The following NAV2 variants were observed in gnomAD, a reference collection of about 807,000 sequenced individuals.
NAV2 encodes neuron navigator 2, also known as helicase, APC down-regulated 1.
In NAV2, 54 loss-of-function variants were observed where a neutral mutation model predicts 223.2. That is an observed-to-expected ratio of 0.24 (90% CI 0.19 to 0.30). The LOEUF (loss-of-function observed/expected upper bound fraction) is 0.30. Among genes scored for constraint, NAV2 ranks in the 10% least tolerant of loss-of-function variants. NAV2 has a pLI of 1.00. For missense variants in NAV2, 2,806 were observed against 3,147.5 expected, an observed-to-expected ratio of 0.89 and a Z score of 2.60; for synonymous variants, 1,279 against 1,239.3, an observed-to-expected ratio of 1.03 and a Z score of -0.67.
At chr11:19,557,744 TC>T (rs1371211621) in intron 1 of NAV2, among the ~76,000 whole-genome samples, 1 of 152,196 alleles carries the variant, frequency 6.6e-6, no homozygotes, top group Non-Finnish European at 1.5e-5. Context: ...GGGCTGCACT[TC>T]CAGGTGAGAA....
intron 6 of NAV2, among the ~76,000 whole-genome samples, chr11:19,925,819 T>A (rs1221913004): frequency 6.6e-6 from 1 of 152,200 alleles, no homozygotes; most frequent in Non-Finnish European, 1.5e-5. Flanking sequence ...CCACCACCAT[T>A]TATTGAAAAG....
intron 1 of NAV2, among the ~76,000 whole-genome samples, chr11:19,802,023 T>C (rs2058298898): frequency 6.6e-6 from 1 of 152,196 alleles, no homozygotes. Flanking sequence ...CAAAGCTTTG[T>C]TCTATGAAGA....
intron 1 of NAV2, chr11:19,506,192 G>A (rs112352901): frequency 7.2e-5 from 11 of 152,294 alleles, no homozygotes; most frequent in African/African-American, 2.2e-4. Context: ...CAGCCTCTCA[G>A]GAGACCAGTT....
At chr11:19,935,097 G>A (rs1231314878) in intron 7 of NAV2, among the ~76,000 whole-genome samples, 1 of 152,184 alleles carries the variant, frequency 6.6e-6, no homozygotes, top group Non-Finnish European at 1.5e-5. Context: ...ACACATGGAT[G>A]AGTCCACTCC....
In NAV2 at chr11:19,610,700, A is replaced by AGATG. The variant is rs573163308; in HGVS notation, c.76-221764_76-221761dup. 2.9e-3 allele frequency among the ~76,000 whole-genome samples: 447 copies of AGATG among 152,114 alleles called. 4 individuals are homozygous for AGATG. Among genetic ancestry groups the AGATG allele is most frequent in the Non-Finnish European group, 3.5e-3 (236 of 67,972 alleles). On this transcript the variant is annotated intron_variant, in intron 1 of 37. Coordinates refer to the NAV2 transcript ENST00000360655. ...CCAGCAAATGGATGGATGGATAAGTAGATGGATGGATGGATGGATGGATAA... is the reference window on the plus strand; with the variant it reads ...CCAGCAAATGGATGGATGGATAAGTAGATGGATGGATGGATGGATGGATGGATAA...
At chr11:19,782,352 A>C (rs1179069277) in intron 1 of NAV2, among the ~76,000 whole-genome samples, 2 of 152,218 alleles carry the variant, frequency 1.3e-5, no homozygotes, top group East Asian at 3.8e-4. Flanking sequence ...GAAGGAGAGA[A>C]AGCCTCTGAA....
chr11:19,934,212 G>C lies in NAV2; in HGVS notation c.1968G>C (p.Gln656His), dbSNP rs929824733. ...QTTGSNTVSV[Q>H]LPQPQQQYNH... ...CAGGAAGCAATACCGTCAGTGTTCA[G>C]CTACCTCAGCCCCAGCAGCAATACA... Residue 656 changes from glutamine (Q) to histidine (H), a missense_variant, in exon 7 of 38, where the codon CAG (glutamine) becomes CAC (histidine). Gln to His is a conservative substitution (Grantham distance 24). Around this residue, in one of 4 missense-constraint regions of NAV2, gnomAD observed 1,167 missense variants for 1,180.5 expected, o/e 0.99. Coordinates refer to ENST00000349880, the MANE Select transcript of NAV2 (RefSeq NM_145117.5). 2.5e-6 allele frequency: 4 copies of C among 1,613,290 alleles called. No homozygotes were observed. The highest frequency in any genetic ancestry group is 3.3e-4 in the Middle Eastern group (2 of 6,050).
intron 1 of NAV2, among the ~76,000 whole-genome samples, chr11:19,808,762 A>G (rs1473171621): frequency 6.6e-6 from 1 of 152,074 alleles, no homozygotes; most frequent in African/African-American, 2.4e-5. Flanking sequence ...CATATGGGGG[A>G]TATTTTTTTC....
intron 1 of NAV2, among the ~76,000 whole-genome samples, chr11:19,363,029 T>C (rs1487688013): frequency 6.6e-6 from 1 of 152,192 alleles, no homozygotes; most frequent in Non-Finnish European, 1.5e-5. Flanking sequence ...ATGTGCAGAA[T>C]GTGCAGTTTT....
chr11:19,788,223 T>C (rs1187938993), intron 1 of NAV2, among the ~76,000 whole-genome samples: 1 of 152,198 alleles, frequency 6.6e-6, no homozygotes, highest in East Asian at 1.9e-4. Context: ...CCCTGGCTTC[T>C]ACCCATTGTA....
At chr11:19,814,809 A>C (rs558301757) in intron 1 of NAV2, among the ~76,000 whole-genome samples, 1 of 152,278 alleles carries the variant, frequency 6.6e-6, no homozygotes, top group South Asian at 2.1e-4. Flanking sequence ...GCTTTATGAC[A>C]GAGAGAGAAC....
chr11:19,541,958 A>C (rs1380260921), intron 1 of NAV2, among the ~76,000 whole-genome samples: 1 of 152,016 alleles, frequency 6.6e-6, no homozygotes, highest in Non-Finnish European at 1.5e-5. Context: ...CTAGAAAGTA[A>C]TTTTTCCACT....
intron 1 of NAV2, among the ~76,000 whole-genome samples, chr11:19,556,050 A>G (rs1221129292): frequency 1.3e-5 from 2 of 152,036 alleles, no homozygotes; most frequent in African/African-American, 2.4e-5. Flanking sequence ...CTCTTCTTCA[A>G]TCCTCCATGT....
intron 1 of NAV2, among the ~76,000 whole-genome samples, chr11:19,617,181 T>A (rs898126397): frequency 6.6e-6 from 1 of 152,210 alleles, no homozygotes; most frequent in Non-Finnish European, 1.5e-5. Flanking sequence ...TTATTTCTGA[T>A]GACCTAGTTG....
chr11:19,348,979 C>T (rs1487952325), upstream of NAV2, among the ~76,000 whole-genome samples: 3 of 152,220 alleles, frequency 2.0e-5, no homozygotes, highest in Non-Finnish European at 2.9e-5. Context: ...TGAGGTTTCA[C>T]CTTTGCAAAG....
chr11:19,900,314 G>A (rs1238211355), intron 6 of NAV2, among the ~76,000 whole-genome samples: 1 of 152,166 alleles, frequency 6.6e-6, no homozygotes, highest in African/African-American at 2.4e-5. Flanking sequence ...CCAGTGTTCA[G>A]TTATCTCAGG....
In NAV2 at chr11:19,939,674, A is replaced by G. The variant is rs1409796343; in HGVS notation, c.2047A>G (p.Thr683Ala). 6.2e-7 allele frequency: 1 copy of G among 1,614,140 alleles called. No individual in the cohort carries two copies. Reference sequence around the variant, plus strand: ...TTGTGTGTGAAGGTCTCAGACGGACACTGAAGGGAATGTTACTGCCGAGTC... The same window carrying G: ...TTGTGTGTGAAGGTCTCAGACGGACGCTGAAGGGAATGTTACTGCCGAGTC... ...APFLYRSQTDTEGNVTAESSS... is the reference protein window; with the variant it reads ...APFLYRSQTDAEGNVTAESSS... Residue 683 changes from threonine to alanine, a missense_variant, in exon 8 of 38, where the codon ACT becomes GCT. By Grantham distance (58) the Thr-to-Ala change is moderately conservative. Coordinates refer to ENST00000349880, the MANE Select transcript of NAV2 (RefSeq NM_145117.5).
chr11:19,527,291 A>G (rs2043870931), intron 1 of NAV2, among the ~76,000 whole-genome samples: 1 of 152,130 alleles, frequency 6.6e-6, no homozygotes, highest in African/African-American at 2.4e-5. Context: ...GCTGCCATGT[A>G]AGATGTACCT....
rs529669875 is a variant in NAV2 at position 19,642,195 on chromosome 11, C to T, written c.76-190289C>T. 1.2e-4 allele frequency among the ~76,000 whole-genome samples: 19 copies of T among 152,256 alleles called. No individual in the cohort carries two copies. In the South Asian group the frequency reaches 3.9e-3, roughly 32 times the overall value. On this transcript the variant is annotated intron_variant, in intron 1 of 37. Coordinates refer to the NAV2 transcript ENST00000360655. ...CACTGTACCCATAATGATGACTTCC[C>T]CATCTGCACATACTCTTCAAGTCCC...
Sources: allele counts gnomAD v4.1 joint callset (sites outside exome capture counted in the v4.1 genomes callset), GRCh38; gene constraint gnomAD v4.1.1; regional missense constraint gnomAD v4.1.1; transcripts MANE v1.5; gene names NCBI Gene and HGNC (gene_info 2026-07-23, HGNC 2026-07-21).